The following IGF2BP2 variants were observed in gnomAD, a reference collection of about 807,000 sequenced individuals.
IGF2BP2 encodes the protein insulin-like growth factor 2 mRNA-binding protein 2.
IGF2BP2 carries 17 observed loss-of-function variants against 75.8 expected under a neutral mutation model. That is an observed-to-expected ratio of 0.22 (90% CI 0.15 to 0.34). The LOEUF (loss-of-function observed/expected upper bound fraction) is 0.34. Among genes scored for constraint, IGF2BP2 ranks in the 10% least tolerant of loss-of-function variants. The pLI is 1.00. For missense variants in IGF2BP2, 516 were observed against 772.4 expected (o/e 0.67, Z 3.93); for synonymous variants, 288 against 295.6 (o/e 0.97, Z 0.26).
intron 15 of IGF2BP2, among the ~76,000 whole-genome samples, chr3:185,646,266 C>CG (rs1713525119): frequency 6.6e-6 from 1 of 151,926 alleles, no homozygotes; most frequent in African/African-American, 2.4e-5. Context: ...GGGCACTGGG[C>CG]GGGGGGTGCG....
intron 2 of IGF2BP2, among the ~76,000 whole-genome samples, chr3:185,772,720 T>G (rs974108835): frequency 5.9e-5 from 9 of 151,990 alleles, no homozygotes; most frequent in Non-Finnish European, 1.3e-4. Flanking sequence ...TAGCTGGGAC[T>G]ACAGGCATGC....
Position 185,825,015 on chromosome 3 carries a change from GCCTCCTCCGCTGCCCTCGTCTCT to G in IGF2BP2, c.-78_-56del. 1 of 1,367,084 alleles carries G rather than the reference GCCTCCTCCGCTGCCCTCGTCTCT, an allele frequency of 7.3e-7. No individual in the cohort carries two copies. The highest frequency in any genetic ancestry group is 9.7e-7 in the Non-Finnish European group (1 of 1,028,114). The allele number at this position is 1,367,084 out of a possible 1,614,324, so 84.7% of individuals were successfully genotyped here. A position where few individuals can be genotyped will look rare whatever the true frequency, so the allele number is the denominator to read the frequency against. On this transcript the variant is annotated 5_prime_UTR_variant, in exon 1 of 16. Transcript: ENST00000382199. Reference sequence around the variant, plus strand: ...CCCGGCCCGGTACCCGGCGCTCCTCGCCTCCTCCGCTGCCCTCGTCTCTCCTCCTCCTCCGCCCCCCCTCCCCG... The same window carrying G: ...CCCGGCCCGGTACCCGGCGCTCCTCGCCTCCTCCTCCGCCCCCCCTCCCCG...
intron 2 of IGF2BP2, among the ~76,000 whole-genome samples, chr3:185,705,639 G>T (rs561097284): frequency 1.3e-5 from 2 of 152,276 alleles, no homozygotes; most frequent in South Asian, 4.2e-4. Context: ...ATAGACTGAG[G>T]TTATAAACAG....
intron 2 of IGF2BP2, among the ~76,000 whole-genome samples, chr3:185,729,414 C>T (rs1171859345): frequency 6.6e-6 from 1 of 152,082 alleles, no homozygotes; most frequent in African/African-American, 2.4e-5. Flanking sequence ...TATTTGTTGC[C>T]AATGATAAAA....
At chr3:185,789,336 T>A (rs1736315229) in intron 2 of IGF2BP2, among the ~76,000 whole-genome samples, 1 of 152,140 alleles carries the variant, frequency 6.6e-6, no homozygotes, top group African/African-American at 2.4e-5. Flanking sequence ...ACGCACCCCT[T>A]AGAACTGTCA....
intron 2 of IGF2BP2, among the ~76,000 whole-genome samples, chr3:185,773,264 G>A (rs1203054088): frequency 6.6e-6 from 1 of 152,176 alleles, no homozygotes; most frequent in Admixed American, 6.5e-5. Flanking sequence ...TAGTAAAACA[G>A]ATAATTCCTA....
intron 2 of IGF2BP2, among the ~76,000 whole-genome samples, chr3:185,782,586 T>C (rs1286007521): frequency 6.6e-6 from 1 of 152,192 alleles, no homozygotes; most frequent in Non-Finnish European, 1.5e-5. Context: ...CTTTCCACTA[T>C]ACCATGGCAC....
At chr3:185,784,876 G>C (rs955837790) in intron 2 of IGF2BP2, among the ~76,000 whole-genome samples, 1 of 152,224 alleles carries the variant, frequency 6.6e-6, no homozygotes, top group Admixed American at 6.5e-5. Context: ...GACAGTCTTT[G>C]CCTGTGAGGC....
At chr3:185,819,043 GATC>G (rs1220551157) in intron 2 of IGF2BP2, among the ~76,000 whole-genome samples, 2 of 152,046 alleles carry the variant, frequency 1.3e-5, no homozygotes, top group Non-Finnish European at 2.9e-5. Flanking sequence ...TTGCACTTTA[GATC>G]ATCAAGTATA....
At chr3:185,784,652 G>A (rs1370751093) in intron 2 of IGF2BP2, among the ~76,000 whole-genome samples, 6 of 152,196 alleles carry the variant, frequency 3.9e-5, no homozygotes, top group South Asian at 2.1e-4. Context: ...ACCCTGCAAC[G>A]GCAGCAAAAA....
intron 2 of IGF2BP2, among the ~76,000 whole-genome samples, chr3:185,816,308 C>T (rs1264559194): frequency 6.6e-6 from 1 of 152,166 alleles, no homozygotes; most frequent in Non-Finnish European, 1.5e-5. Flanking sequence ...TAGGTATATT[C>T]CCCACTTCTG....
chr3:185,800,636 T>C (rs1300454336), intron 2 of IGF2BP2, among the ~76,000 whole-genome samples: 9 of 150,200 alleles, frequency 6.0e-5, no homozygotes, highest in South Asian at 2.1e-4. Context: ...ACTCAGGAGG[T>C]TGAGGCCAGA....
chr3:185,783,441 C>A (rs1389616534), intron 2 of IGF2BP2, among the ~76,000 whole-genome samples: 4 of 152,152 alleles, frequency 2.6e-5, no homozygotes, highest in Non-Finnish European at 4.4e-5. Context: ...GGAGTTCTCA[C>A]CCCTGAGGGC....
rs1403002178 is a variant in IGF2BP2 at position 185,739,765 on chromosome 3, G to A, written c.240-41418C>T. 3.3e-5 allele frequency among the ~76,000 whole-genome samples: 5 copies of A among 152,088 alleles called. 1 individual carries two copies. The highest frequency in any genetic ancestry group is 7.4e-5 in the Non-Finnish European group (5 of 68,020). On this transcript the variant is annotated intron_variant, in intron 2 of 15. Coordinates refer to ENST00000382199, the MANE Select transcript of IGF2BP2 (RefSeq NM_006548.6). ...GTGCTTAAGACTCAGGTCAGCCTAC[G>A]TTCAGATATTGAAAATTACCATTTA...
intron 2 of IGF2BP2, among the ~76,000 whole-genome samples, chr3:185,811,874 CTCT>C (rs1739925740): frequency 5.3e-4 from 28 of 53,174 alleles, no homozygotes; most frequent in East Asian, 3.6e-3. Flanking sequence ...CTCTCTCTCT[CTCT>C]CCCCCTCTCC....
chr3:185,819,878 A>G (rs1269528200), intron 2 of IGF2BP2, among the ~76,000 whole-genome samples: 1 of 152,054 alleles, frequency 6.6e-6, no homozygotes, highest in East Asian at 1.9e-4. Flanking sequence ...ATTTAATTCA[A>G]CCATACACAA....
rs1356956101 is a variant in IGF2BP2 at position 185,794,835 on chromosome 3, C to G, written c.239+28318G>C. ...AGAAACTCCCCATCCTCCCCCTTCT[C>G]TAGCCCCTGGCAACTACCATTTTAC... On this transcript the variant is annotated intron_variant, in intron 2 of 15. Transcript: ENST00000382199. 2.0e-5 allele frequency among the ~76,000 whole-genome samples: 3 copies of G among 152,112 alleles called. No individual in the cohort carries two copies. In the East Asian group the frequency reaches 5.8e-4, roughly 29 times the overall value.
intron 2 of IGF2BP2, among the ~76,000 whole-genome samples, chr3:185,754,463 A>G (rs1731343234): frequency 6.6e-6 from 1 of 152,200 alleles, no homozygotes; most frequent in African/African-American, 2.4e-5. Flanking sequence ...AGACTAACAC[A>G]GAAAATTAGT....
At chr3:185,704,043 G>A (rs1723672637) in intron 2 of IGF2BP2, among the ~76,000 whole-genome samples, 1 of 152,158 alleles carries the variant, frequency 6.6e-6, no homozygotes, top group Admixed American at 6.5e-5. Flanking sequence ...TTGGGCAAGA[G>A]AGGCAACATA....
Sources: allele counts gnomAD v4.1 joint callset (sites outside exome capture counted in the v4.1 genomes callset), GRCh38; gene constraint gnomAD v4.1.1; transcripts MANE v1.5; gene names NCBI Gene and HGNC (gene_info 2026-07-23, HGNC 2026-07-21).